KATNAL1: variants seen among roughly 807,000 people sequenced by gnomAD.
KATNAL1 encodes the protein katanin p60 ATPase-containing subunit A-like 1.
Under a neutral mutation model 55.2 loss-of-function variants are expected in KATNAL1, and 32 were observed. The ratio of observed to expected loss-of-function variants is 0.58; its 90% CI spans 0.44 to 0.78. The LOEUF (loss-of-function observed/expected upper bound fraction) is 0.78. KATNAL1 is among the 30% of genes least tolerant of loss of function. The pLI, the probability that KATNAL1 is intolerant of heterozygous loss-of-function variation, is 0.00. For synonymous variants in KATNAL1, 193 were observed against 193.6 expected (o/e 1.00, Z 0.02); for missense variants, 466 against 600.9 (o/e 0.78, Z 2.35).
chr13:30,229,614 A>C (rs1050406069), intron 8 of KATNAL1, among the ~76,000 whole-genome samples: 1 of 152,126 alleles, frequency 6.6e-6, no homozygotes, highest in South Asian at 2.1e-4. Flanking sequence ...GCTACTTAGG[A>C]GGCTGAGGCA....
chr13:30,265,923 A>C (rs557788449), intron 3 of KATNAL1, among the ~76,000 whole-genome samples: 145 of 149,420 alleles, frequency 9.7e-4, no homozygotes, highest in Non-Finnish European at 1.5e-3. Flanking sequence ...GGGGCAGGAG[A>C]ATTGCTTGAA....
intron 3 of KATNAL1, among the ~76,000 whole-genome samples, chr13:30,259,259 G>C (rs1033902825): frequency 6.6e-6 from 1 of 152,004 alleles, no homozygotes; most frequent in Non-Finnish European, 1.5e-5. Flanking sequence ...AGAATCACTT[G>C]AATCTGAGAG....
intron 3 of KATNAL1, among the ~76,000 whole-genome samples, chr13:30,263,657 C>A (rs1294602911): frequency 2.0e-5 from 3 of 150,840 alleles, no homozygotes; most frequent in Non-Finnish European, 4.4e-5. Flanking sequence ...ACCTAGGAAT[C>A]CAACTTACAA....
chr13:30,286,925 C>T (rs1881826060), intron 1 of KATNAL1, among the ~76,000 whole-genome samples: 1 of 152,208 alleles, frequency 6.6e-6, no homozygotes, highest in African/African-American at 2.4e-5. Flanking sequence ...TTAATGACTG[C>T]CCGATTGGAT....
At chr13:30,298,196 A>G (rs1882642884) in intron 1 of KATNAL1, among the ~76,000 whole-genome samples, 1 of 152,246 alleles carries the variant, frequency 6.6e-6, no homozygotes, top group Admixed American at 6.5e-5. Flanking sequence ...ATGGTCTGAA[A>G]CAAAGCCCAC....
intron 3 of KATNAL1, among the ~76,000 whole-genome samples, chr13:30,270,826 G>A (rs9551882): frequency 0.15 from 22,198 of 150,104 alleles, 2,055 homozygotes; most frequent in East Asian, 0.32. Context: ...TTGTTCACTT[G>A]TTTATCTGCT....
At chr13:30,301,554 C>A (rs971213959) in intron 1 of KATNAL1, among the ~76,000 whole-genome samples, 27 of 152,114 alleles carry the variant, frequency 1.8e-4, no homozygotes, top group Non-Finnish European at 3.1e-4. Flanking sequence ...CAGTTACCCA[C>A]CATTTAGCAG....
chr13:30,252,187 A>G (rs1182301300), intron 4 of KATNAL1, among the ~76,000 whole-genome samples: 1 of 152,248 alleles, frequency 6.6e-6, no homozygotes, highest in Non-Finnish European at 1.5e-5. Context: ...CACATAAAAC[A>G]GGAAAAATAA....
rs1193515091 is a variant in KATNAL1, at chr13:30,202,823, C to T, written c.*5717G>A. On this transcript the variant is annotated 3_prime_UTR_variant, in exon 11 of 11. Coordinates refer to ENST00000380615, the MANE Select transcript of KATNAL1 (RefSeq NM_032116.5). ...AACACTGAAACAAAAGTCTTAACAA[C>T]GCACTTACAAGCCATCATAACATGC... 4 of 152,304 alleles carry T rather than the reference C, an allele frequency of 2.6e-5. No homozygotes were observed. Among genetic ancestry groups the T allele is most frequent in the South Asian group, 2.1e-4 (1 of 4,828 alleles). The allele number at this position is 152,304 out of a possible 1,614,324, so 9.4% of individuals were successfully genotyped here.
chr13:30,210,925 A>T (rs1421314878), intron 9 of KATNAL1, among the ~76,000 whole-genome samples: 1 of 152,230 alleles, frequency 6.6e-6, no homozygotes, highest in African/African-American at 2.4e-5. Context: ...CATTTCCTGA[A>T]AATCAGTAAT....
At chr13:30,237,964 C>T (rs1250709661) in intron 6 of KATNAL1, among the ~76,000 whole-genome samples, 1 of 152,188 alleles carries the variant, frequency 6.6e-6, no homozygotes, top group African/African-American at 2.4e-5. Flanking sequence ...TCTGTCCTTC[C>T]ATTCCTAATT....
chr13:30,291,588 G>T (rs1298494730), intron 1 of KATNAL1, among the ~76,000 whole-genome samples: 2 of 152,202 alleles, frequency 1.3e-5, no homozygotes, highest in East Asian at 3.9e-4. Flanking sequence ...ACATGGAAAT[G>T]AAAGAACACA....
At chr13:30,266,347 C>A (rs1021910858) in intron 3 of KATNAL1, among the ~76,000 whole-genome samples, 17 of 152,076 alleles carry the variant, frequency 1.1e-4, no homozygotes, top group African/African-American at 3.4e-4. Context: ...AATTACAAAC[C>A]TGGTTAATAA....
At chr13:30,276,934 A>G (rs1358832597) in intron 3 of KATNAL1, among the ~76,000 whole-genome samples, 1 of 152,230 alleles carries the variant, frequency 6.6e-6, no homozygotes, top group Non-Finnish European at 1.5e-5. Flanking sequence ...ATAATAAATT[A>G]GTGATGATAA....
At chr13:30,251,006 C>T (rs12585819) in intron 4 of KATNAL1, among the ~76,000 whole-genome samples, 12,405 of 151,872 alleles carry the variant, frequency 0.082, 802 homozygotes, top group East Asian at 0.33. Flanking sequence ...GGCGTGGTGG[C>T]GGCCGCCTGT....
intron 4 of KATNAL1, among the ~76,000 whole-genome samples, chr13:30,247,684 T>C (rs1877923078): frequency 6.6e-6 from 1 of 151,800 alleles, no homozygotes; most frequent in Non-Finnish European, 1.5e-5. Context: ...GAAGATGAGG[T>C]CAAAGAAGAA....
chr13:30,300,710 C>T (rs954004914), intron 1 of KATNAL1, among the ~76,000 whole-genome samples: 3 of 152,054 alleles, frequency 2.0e-5, no homozygotes, highest in Non-Finnish European at 4.4e-5. Context: ...ATTTTGAAAA[C>T]CACAATACCT....
intron 1 of KATNAL1, chr13:30,296,187 A>G: frequency 1.5e-6 from 1 of 676,896 alleles, no homozygotes; most frequent in Admixed American, 2.9e-5. Context: ...CCTGCCCCTA[A>G]CTTCAAGGCC....
At chr13:30,241,273 C>T (rs914575903) in intron 4 of KATNAL1, among the ~76,000 whole-genome samples, 187 bp from the exon 5 acceptor site, 5 of 152,180 alleles carry the variant, frequency 3.3e-5, no homozygotes, top group African/African-American at 1.2e-4. Context: ...AACTGGTCAA[C>T]TTTATTAAAA....
Sources: gnomAD v4.1 joint callset for allele counts (sites outside exome capture counted in the v4.1 genomes callset) on GRCh38, gnomAD v4.1.1 for gene constraint, MANE v1.5 for transcripts, NCBI Gene and HGNC (gene_info 2026-07-23, HGNC 2026-07-21) for gene names.